The following SAMD5 variants were observed in gnomAD, a reference collection of about 807,000 sequenced individuals.
SAMD5 encodes sterile alpha motif domain-containing protein 5.
SAMD5 carries 13 observed loss-of-function variants against 11.3 expected under a neutral mutation model. The ratio of observed to expected loss-of-function variants is 1.15; its 90% CI spans 0.75 to 1.83. SAMD5 has a LOEUF of 1.83. Ranked by LOEUF, SAMD5 falls within the 40% of genes most tolerant of loss-of-function variation. The pLI is 0.00. For missense variants in SAMD5, 255 were observed against 239.1 expected (o/e 1.07, Z -0.44); for synonymous variants, 129 against 111.3 (o/e 1.16, Z -1.00).
chr6:147,764,520 T>C, the SAMD5 span, among the ~76,000 whole-genome samples: 28 of 152,236 alleles, frequency 1.8e-4, no homozygotes, highest in African/African-American at 6.5e-4. Flanking sequence ...TGTAATGTTT[T>C]GATGTTCTCT....
At chr6:147,854,424 G>A in the SAMD5 span, among the ~76,000 whole-genome samples, 1 of 152,154 alleles carries the variant, frequency 6.6e-6, no homozygotes, top group Non-Finnish European at 1.5e-5. Context: ...GCTGATCTCT[G>A]TTTAAGAGGA....
At chr6:147,705,305 A>G (rs989698044) in intron 1 of SAMD5, among the ~76,000 whole-genome samples, 1 of 152,184 alleles carries the variant, frequency 6.6e-6, no homozygotes, top group South Asian at 2.1e-4. Flanking sequence ...AGTTAACTAT[A>G]TACTTTATAG....
In SAMD5 at chr6:147,568,975, C is replaced by G; in HGVS notation, c.*4519C>G. The G allele has an allele frequency of 3.8e-6, 3 of 791,718 alleles. No individual in the cohort carries two copies. Among genetic ancestry groups the G allele is most frequent in the Non-Finnish European group, 4.6e-6 (3 of 653,588 alleles). 49.0% of individuals were successfully genotyped at this position (791,718 alleles called of 1,614,324 possible). On this transcript the variant is annotated 3_prime_UTR_variant, in exon 2 of 2. Transcript: ENST00000367474. ...GGCACGGTGGCTCACGCCTGTAATCCCAGCACTTTGGGAGGCCGGGGTGGG... is the reference window on the plus strand; with the variant it reads ...GGCACGGTGGCTCACGCCTGTAATCGCAGCACTTTGGGAGGCCGGGGTGGG...
At chr6:147,831,832 T>C in the SAMD5 span, among the ~76,000 whole-genome samples, 1 of 152,200 alleles carries the variant, frequency 6.6e-6, no homozygotes, top group Non-Finnish European at 1.5e-5. Flanking sequence ...ATGCATTATG[T>C]AGCTCAGTGA....
At chr6:147,687,045 T>C (rs1381618852) in intron 1 of SAMD5, among the ~76,000 whole-genome samples, 1 of 152,172 alleles carries the variant, frequency 6.6e-6, no homozygotes, top group African/African-American at 2.4e-5. Context: ...ACTGGAATTT[T>C]TATGGGTTTA....
chr6:147,756,350 A>C, the SAMD5 span, among the ~76,000 whole-genome samples: 1 of 152,182 alleles, frequency 6.6e-6, no homozygotes, highest in Non-Finnish European at 1.5e-5. Flanking sequence ...TGGTGTTCAA[A>C]TCAAATTATA....
At chr6:147,701,779 G>A (rs1353592987) in intron 1 of SAMD5, among the ~76,000 whole-genome samples, 2 of 152,108 alleles carry the variant, frequency 1.3e-5, no homozygotes, top group African/African-American at 2.4e-5. Flanking sequence ...CCCTTAATAT[G>A]CTTGCCAAAC....
intron 1 of SAMD5, among the ~76,000 whole-genome samples, chr6:147,613,767 G>C (rs1004606666): frequency 6.6e-6 from 1 of 151,864 alleles, no homozygotes; most frequent in Non-Finnish European, 1.5e-5. Context: ...GGAGAAAGAA[G>C]AGGAAAAGAG....
the SAMD5 span, among the ~76,000 whole-genome samples, chr6:147,836,415 T>A: frequency 1.7e-4 from 26 of 152,282 alleles, no homozygotes; most frequent in East Asian, 4.8e-3. Context: ...CCCAATAAAC[T>A]CATTATAGGT....
intron 1 of SAMD5, among the ~76,000 whole-genome samples, chr6:147,540,940 T>TG (rs1164633872): frequency 5.1e-5 from 7 of 136,294 alleles, no homozygotes; most frequent in Non-Finnish European, 9.5e-5. Context: ...CGCGTTTTTT[T>TG]TTTTTTTTTT....
In SAMD5 at chr6:147,625,624, T is replaced by C. The variant is rs540145469; in HGVS notation, c.163-111693T>C. ...GTGCCACCCTTAATACCTGCAGCCT[T>C]ATCCCCAGTCAGCAAACTACAGCCC... is the stretch of plus-strand genomic sequence containing the variant. On this transcript the variant is annotated intron_variant, in intron 1 of 1. Coordinates refer to the SAMD5 transcript ENST00000566741. Among the ~76,000 whole-genome samples the C allele has an allele frequency of 6.6e-5, 10 of 152,168 alleles. No individual in the cohort carries two copies. The South Asian group carries it at 2.1e-3, about 32-fold the overall frequency.
chr6:147,566,847 G>T lies in SAMD5; in HGVS notation c.*2391G>T. ...ATGAGGTAAGAGGTAGAATATAAGAGAAAGGGATTATTTTTACCATGAATT... is the reference window on the plus strand; with the variant it reads ...ATGAGGTAAGAGGTAGAATATAAGATAAAGGGATTATTTTTACCATGAATT... On this transcript the variant is annotated 3_prime_UTR_variant, in exon 2 of 2. Transcript: ENST00000367474. 1 of 978,876 alleles carries T rather than the reference G, an allele frequency of 1.0e-6. No homozygotes were observed. The highest frequency in any genetic ancestry group is 1.2e-6 in the Non-Finnish European group (1 of 824,074). 60.6% of individuals were successfully genotyped at this position (978,876 alleles called of 1,614,324 possible).
chr6:147,902,890 G>C, the SAMD5 span, among the ~76,000 whole-genome samples: 2 of 152,134 alleles, frequency 1.3e-5, no homozygotes, highest in African/African-American at 4.8e-5. Context: ...GTCAGAAACA[G>C]TGCAAAATTC....
the SAMD5 span, among the ~76,000 whole-genome samples, chr6:147,929,952 G>A: frequency 6.6e-6 from 1 of 152,184 alleles, no homozygotes; most frequent in Non-Finnish European, 1.5e-5. Flanking sequence ...TAAAATGTAT[G>A]TGAGGAAAAA....
the SAMD5 span, among the ~76,000 whole-genome samples, chr6:147,778,469 A>C: frequency 1.3e-5 from 2 of 152,176 alleles, no homozygotes; most frequent in Non-Finnish European, 2.9e-5. Flanking sequence ...CTTGCCCACC[A>C]TGAACCTGGT....
At chr6:147,736,529 A>G (rs1791807289) in intron 1 of SAMD5, among the ~76,000 whole-genome samples, 1 of 152,224 alleles carries the variant, frequency 6.6e-6, no homozygotes, top group South Asian at 2.1e-4. Context: ...TACTAAGTGC[A>G]GCGTAACTCA....
At chr6:147,948,629 A>ATATATC in the SAMD5 span, among the ~76,000 whole-genome samples, 3 of 152,182 alleles carry the variant, frequency 2.0e-5, no homozygotes, top group African/African-American at 7.2e-5. Flanking sequence ...TTTAGCTGAG[A>ATATATC]TATATCTATA....
intron 1 of SAMD5, among the ~76,000 whole-genome samples, chr6:147,590,955 G>A (rs1288059916): frequency 6.6e-6 from 1 of 152,122 alleles, no homozygotes. Flanking sequence ...TTGTTGAAAT[G>A]TATTCAAGGT....
At chr6:147,794,304 G>T in the SAMD5 span, among the ~76,000 whole-genome samples, 1 of 152,042 alleles carries the variant, frequency 6.6e-6, no homozygotes, top group Non-Finnish European at 1.5e-5. Flanking sequence ...AGCTTCAAAA[G>T]TATTCAATAA....
Sources: gnomAD v4.1 joint callset for allele counts (sites outside exome capture counted in the v4.1 genomes callset) on GRCh38, gnomAD v4.1.1 for gene constraint, MANE v1.5 for transcripts, NCBI Gene and HGNC (gene_info 2026-07-23, HGNC 2026-07-21) for gene names.